Variants in IGSF11 observed in about 807,000 individuals in gnomAD.
IGSF11 encodes CXADR like 1.
Under a neutral mutation model 41.0 loss-of-function variants are expected in IGSF11, and 22 were observed. The observed-to-expected ratio is 0.54, with a 90% confidence interval of 0.38 to 0.77. The LOEUF (loss-of-function observed/expected upper bound fraction) is 0.77. Ranked by LOEUF, IGSF11 falls within the 30% of genes least tolerant of loss-of-function variation. The pLI is 0.00. For missense variants in IGSF11, 444 were observed against 530.8 expected, an observed-to-expected ratio of 0.84 and a Z score of 1.61; for synonymous variants, 219 against 201.3, an observed-to-expected ratio of 1.09 and a Z score of -0.74.
chr3:118,990,388 C>A (rs1935677925), intron 1 of IGSF11, among the ~76,000 whole-genome samples: 1 of 152,024 alleles, frequency 6.6e-6, no homozygotes. Context: ...GCATAATGTG[C>A]CTTACTTAAG....
chr3:118,942,278 G>A (rs1249961847), intron 1 of IGSF11, among the ~76,000 whole-genome samples: 1 of 152,108 alleles, frequency 6.6e-6, no homozygotes, highest in Non-Finnish European at 1.5e-5. Flanking sequence ...TAAGAAAATT[G>A]CTGCAACTGT....
chr3:118,927,475 A>G, intron 3 of IGSF11, among the ~76,000 whole-genome samples: 1 of 152,170 alleles, frequency 6.6e-6, no homozygotes, highest in East Asian at 1.9e-4. Context: ...ATATAATACA[A>G]TGAATATGGT....
chr3:119,093,872 A>T (rs1429459890), intron 1 of IGSF11, among the ~76,000 whole-genome samples: 4 of 152,150 alleles, frequency 2.6e-5, no homozygotes, highest in Non-Finnish European at 5.9e-5. Flanking sequence ...GAATATATGG[A>T]TAATTTATCA....
At position 118,987,639 on chromosome 3, in the gene IGSF11, A is replaced by T. The variant is rs755455741; in HGVS notation, c.52+46892T>A. On this transcript the variant is annotated intron_variant, in intron 1 of 6. Coordinates refer to ENST00000393775, the MANE Select transcript of IGSF11 (RefSeq NM_001015887.3). Reference sequence around the variant, plus strand: ...AGGGACACCAGGCAAAGAGCCCAACATCAGCAGCCTTGAAAAAGACAAGGA... The same window carrying T: ...AGGGACACCAGGCAAAGAGCCCAACTTCAGCAGCCTTGAAAAAGACAAGGA... Among the ~76,000 whole-genome samples, 3 of 152,262 alleles carry T rather than the reference A, an allele frequency of 2.0e-5. 1 individual carries two copies. The highest frequency in any genetic ancestry group is 4.4e-5 in the Non-Finnish European group (3 of 68,046).
intron 1 of IGSF11, among the ~76,000 whole-genome samples, chr3:119,017,251 T>C (rs148732725): frequency 5.0e-4 from 76 of 152,262 alleles, no homozygotes; most frequent in South Asian, 8.3e-4. Context: ...GTGAACATCA[T>C]TGAGTGTACT....
At chr3:118,936,465 C>A (rs1943288333) in intron 1 of IGSF11, among the ~76,000 whole-genome samples, 1 of 149,608 alleles carries the variant, frequency 6.7e-6, no homozygotes, top group African/African-American at 2.5e-5. Context: ...CAAGATTGCA[C>A]TACTGCAATC....
chr3:118,903,001 C>T lies in IGSF11; in HGVS notation c.855-40G>A, dbSNP rs1939100902. On this transcript the variant is annotated intron_variant, in intron 6 of 6. Coordinates refer to ENST00000393775, the MANE Select transcript of IGSF11 (RefSeq NM_001015887.3). ...ATAAAGTCGTTGTTAGGATTTACTT[C>T]AAGTTAATCCTATCCTCCTACCCTG... 2.6e-6 allele frequency: 4 copies of T among 1,536,808 alleles called. No homozygotes were observed. The East Asian group carries it at 9.0e-5, about 35-fold the overall frequency.
intron 1 of IGSF11, among the ~76,000 whole-genome samples, chr3:118,989,554 C>T (rs1935591274): frequency 6.6e-6 from 1 of 152,098 alleles, no homozygotes; most frequent in African/African-American, 2.4e-5. Flanking sequence ...CGGGGTTTCA[C>T]CATGTTAGCC....
intron 1 of IGSF11, among the ~76,000 whole-genome samples, chr3:118,948,971 C>CAAA (rs397874586): frequency 9.1e-5 from 8 of 87,542 alleles, no homozygotes; most frequent in African/African-American, 2.1e-4. Flanking sequence ...GACTCCGTCT[C>CAAA]AAAAAAAAAA....
At chr3:118,917,794 G>T (rs914279484) in intron 4 of IGSF11, among the ~76,000 whole-genome samples, 1 of 151,144 alleles carries the variant, frequency 6.6e-6, no homozygotes, top group African/African-American at 2.4e-5. Context: ...GCCGGGCAGA[G>T]ACACAACCAA....
intron 1 of IGSF11, among the ~76,000 whole-genome samples, chr3:118,955,440 T>G (rs1185632242): frequency 1.3e-5 from 2 of 151,968 alleles, no homozygotes; most frequent in East Asian, 3.9e-4. Context: ...CTATAATTTT[T>G]ATGGTTTCAG....
At chr3:119,033,583 G>C (rs1404796187) in intron 1 of IGSF11, among the ~76,000 whole-genome samples, 1 of 152,134 alleles carries the variant, frequency 6.6e-6, no homozygotes, top group African/African-American at 2.4e-5. Flanking sequence ...TTCAAAATCA[G>C]TTCGAATAAG....
At chr3:119,008,154 G>A (rs969800831) in intron 1 of IGSF11, among the ~76,000 whole-genome samples, 6 of 151,960 alleles carry the variant, frequency 3.9e-5, no homozygotes, top group South Asian at 2.1e-4. Flanking sequence ...ACTTTTCTTG[G>A]TTAAGAAATG....
chr3:119,077,337 C>T (rs550810509), intron 1 of IGSF11, among the ~76,000 whole-genome samples: 1 of 152,084 alleles, frequency 6.6e-6, no homozygotes, highest in African/African-American at 2.4e-5. Context: ...TTAATGGGTA[C>T]AGCACACCAA....
At chr3:118,985,290 G>A (rs1243858111) in intron 1 of IGSF11, among the ~76,000 whole-genome samples, 14 of 152,174 alleles carry the variant, frequency 9.2e-5, no homozygotes. Flanking sequence ...CTCCATTAAT[G>A]AGAGAACTGA....
intron 1 of IGSF11, among the ~76,000 whole-genome samples, chr3:119,051,263 T>C (rs1425878800): frequency 2.0e-5 from 3 of 151,338 alleles, no homozygotes; most frequent in Admixed American, 2.0e-4. Flanking sequence ...AAACTTAAGG[T>C]AAAGTGGTAG....
At chr3:119,004,756 CA>C (rs1937302378) in intron 1 of IGSF11, among the ~76,000 whole-genome samples, 1 of 149,724 alleles carries the variant, frequency 6.7e-6, no homozygotes, top group African/African-American at 2.5e-5. Context: ...GTTCAGTTTC[CA>C]TGTAGTTGAG....
At chr3:119,130,495 T>C (rs1373078736) in intron 1 of IGSF11, among the ~76,000 whole-genome samples, 1 of 152,168 alleles carries the variant, frequency 6.6e-6, no homozygotes, top group Non-Finnish European at 1.5e-5. Flanking sequence ...GGCTGCAGCC[T>C]GGCGGGGGGA....
intron 1 of IGSF11, among the ~76,000 whole-genome samples, chr3:118,985,587 T>G (rs1935175296): frequency 6.6e-6 from 1 of 152,212 alleles, no homozygotes; most frequent in Non-Finnish European, 1.5e-5. Flanking sequence ...GAATTGATCA[T>G]CTTTTTCCCC....
Sources: allele counts gnomAD v4.1 joint callset (sites outside exome capture counted in the v4.1 genomes callset), GRCh38; gene constraint gnomAD v4.1.1; transcripts MANE v1.5; gene names NCBI Gene and HGNC (gene_info 2026-07-23, HGNC 2026-07-21).